The following FSTL5 variants were observed in gnomAD, a reference collection of about 807,000 sequenced individuals.
FSTL5 encodes follistatin like 5.
Under a neutral mutation model 89.1 loss-of-function variants are expected in FSTL5, and 62 were observed. The ratio of observed to expected loss-of-function variants is 0.70; its 90% CI spans 0.57 to 0.86. The LOEUF is 0.86. Ranked by LOEUF, FSTL5 falls within the 40% of genes least tolerant of loss-of-function variation. The probability of loss-of-function intolerance (pLI) is 0.00; values close to 1 mark genes in which losing one functional copy is unlikely to be tolerated. For missense variants in FSTL5, 1,057 were observed against 1,001.6 expected (o/e 1.06, Z -0.75); for synonymous variants, 383 against 346.2 (o/e 1.11, Z -1.18).
intron 4 of FSTL5, among the ~76,000 whole-genome samples, chr4:161,850,876 G>A (rs1417798612): frequency 6.6e-6 from 1 of 152,142 alleles, no homozygotes; most frequent in Non-Finnish European, 1.5e-5. Flanking sequence ...CAGGGACATG[G>A]ATGGAGCTGG....
intron 1 of FSTL5, among the ~76,000 whole-genome samples, chr4:162,111,923 A>G (rs1289357705): frequency 6.6e-6 from 1 of 152,176 alleles, no homozygotes; most frequent in African/African-American, 2.4e-5. Context: ...GAAGTTATGC[A>G]GGTGGATTAT....
chr4:161,835,037 A>T (rs1443192019), intron 4 of FSTL5, among the ~76,000 whole-genome samples: 1 of 145,130 alleles, frequency 6.9e-6, no homozygotes, highest in East Asian at 1.9e-4. Flanking sequence ...GCATCATGAT[A>T]CTTGACTTCA....
chr4:161,853,374 T>A (rs1019226764), intron 4 of FSTL5, among the ~76,000 whole-genome samples: 1 of 152,082 alleles, frequency 6.6e-6, no homozygotes, highest in East Asian at 2.0e-4. Flanking sequence ...TTCAAGTGAT[T>A]CTTGTGCCTC....
chr4:161,483,913 T>C (rs1418643763), intron 12 of FSTL5, among the ~76,000 whole-genome samples: 6 of 152,144 alleles, frequency 3.9e-5, no homozygotes, highest in Admixed American at 3.3e-4. Context: ...CTAATGGAGA[T>C]GAGAGTCCTG....
rs564726546 is a variant in FSTL5, at chr4:162,053,808, G to T, written c.127-20150C>A. ...AACTTTACCTTTATTTTTTAAAAGT[G>T]AACATTCTTATAAAATTCTGTCCAA... On this transcript the variant is annotated intron_variant, in intron 2 of 15. Coordinates refer to ENST00000306100, the MANE Select transcript of FSTL5 (RefSeq NM_020116.5). Among the ~76,000 whole-genome samples the T allele has an allele frequency of 8.2e-4, 125 of 151,634 alleles. 2 individuals are homozygous for T. In the Middle Eastern group the frequency reaches 0.01, roughly 12 times the overall value.
At chr4:161,456,928 G>A (rs1479719984) in intron 14 of FSTL5, among the ~76,000 whole-genome samples, 1 of 152,124 alleles carries the variant, frequency 6.6e-6, no homozygotes, top group East Asian at 1.9e-4. Flanking sequence ...CTAGAGTAAT[G>A]ATGATTATCT....
chr4:162,023,329 T>G (rs1389417109), intron 3 of FSTL5, among the ~76,000 whole-genome samples: 1 of 152,194 alleles, frequency 6.6e-6, no homozygotes, highest in African/African-American at 2.4e-5. Context: ...AGTGACTGTA[T>G]GAAGCATTAC....
intron 2 of FSTL5, among the ~76,000 whole-genome samples, chr4:162,051,813 G>C (rs564364925): frequency 1.3e-5 from 2 of 151,036 alleles, no homozygotes; most frequent in Admixed American, 6.6e-5. Context: ...TTCATGGAGC[G>C]CTGAAAAAAA....
intron 2 of FSTL5, among the ~76,000 whole-genome samples, chr4:162,066,531 G>T (rs1333903872): frequency 1.3e-5 from 2 of 150,312 alleles, no homozygotes; most frequent in Admixed American, 1.3e-4. Context: ...CATGATCTAG[G>T]TTTTATGCCC....
intron 2 of FSTL5, among the ~76,000 whole-genome samples, chr4:162,101,809 T>A (rs1731007982): frequency 6.6e-6 from 1 of 152,176 alleles, no homozygotes; most frequent in South Asian, 2.1e-4. Context: ...CTTTGCTAAT[T>A]GAAGTCACAA....
At chr4:162,023,038 T>C (rs980792081) in intron 3 of FSTL5, 4 of 152,152 alleles carry the variant, frequency 2.6e-5, no homozygotes, top group African/African-American at 4.8e-5. Flanking sequence ...CTATGAAATC[T>C]GTGCCTGTAA....
At chr4:161,703,738 T>A (rs182901653) in intron 6 of FSTL5, among the ~76,000 whole-genome samples, 1 of 152,026 alleles carries the variant, frequency 6.6e-6, no homozygotes, top group South Asian at 2.1e-4. Flanking sequence ...CATTGAAGAG[T>A]CTATAGAATA....
Position 161,662,902 on chromosome 4 carries a change from G to A in FSTL5, c.728-6408C>T, listed in dbSNP as rs958246974. ...GGACTTACAGTTCCACAGATTCTGAGGCTGGGGAGACCTCAGCAGAATCAC... is the reference window on the plus strand; with the variant it reads ...GGACTTACAGTTCCACAGATTCTGAAGCTGGGGAGACCTCAGCAGAATCAC... On this transcript the variant is annotated intron_variant, in intron 6 of 15. Transcript: ENST00000306100. 3.9e-5 allele frequency among the ~76,000 whole-genome samples: 6 copies of A among 152,142 alleles called. No individual in the cohort carries two copies. The East Asian group carries it at 9.7e-4, about 24-fold the overall frequency.
At chr4:161,788,396 C>T (rs907279081) in intron 4 of FSTL5, among the ~76,000 whole-genome samples, 1 of 152,092 alleles carries the variant, frequency 6.6e-6, no homozygotes, top group Admixed American at 6.5e-5. Flanking sequence ...CCAATCTTCC[C>T]ATCTCCCTCC....
At chr4:162,157,947 C>A (rs1316039801) in intron 1 of FSTL5, among the ~76,000 whole-genome samples, 2 of 152,096 alleles carry the variant, frequency 1.3e-5, no homozygotes, top group African/African-American at 4.8e-5. Context: ...TAGATAGAAA[C>A]AATAGAATAA....
At chr4:161,525,940 C>A (rs539103545) in intron 10 of FSTL5, among the ~76,000 whole-genome samples, 1 of 152,110 alleles carries the variant, frequency 6.6e-6, no homozygotes, top group South Asian at 2.1e-4. Context: ...TTACATAATT[C>A]ATACTGATAC....
chr4:161,648,508 G>A (rs552561597), intron 7 of FSTL5, among the ~76,000 whole-genome samples: 128 of 152,178 alleles, frequency 8.4e-4, no homozygotes, highest in African/African-American at 2.9e-3. Flanking sequence ...GAAAAAGAAA[G>A]AAGAAGTGAA....
chr4:162,102,715 ATATT>A (rs1249117335), intron 2 of FSTL5, among the ~76,000 whole-genome samples: 4 of 145,312 alleles, frequency 2.8e-5, no homozygotes, highest in Non-Finnish European at 3.0e-5. Flanking sequence ...ATATTTATAT[ATATT>A]TATTTATATT....
intron 5 of FSTL5, among the ~76,000 whole-genome samples, chr4:161,761,673 T>A (rs765554039): frequency 2.0e-5 from 3 of 152,212 alleles, no homozygotes; most frequent in Non-Finnish European, 4.4e-5. Flanking sequence ...GATCTTGATT[T>A]GATCTTGGCC....
Sources: gnomAD v4.1 joint callset for allele counts (sites outside exome capture counted in the v4.1 genomes callset) on GRCh38, gnomAD v4.1.1 for gene constraint, MANE v1.5 for transcripts, NCBI Gene and HGNC (gene_info 2026-07-23, HGNC 2026-07-21) for gene names.